The following ZNF354A variants were observed in gnomAD, a reference collection of about 807,000 sequenced individuals.
ZNF354A encodes the protein epididymis luminal protein 104.
Under a neutral mutation model 53.3 loss-of-function variants are expected in ZNF354A, and 25 were observed. The observed-to-expected ratio is 0.47, with a 90% CI of 0.34 to 0.66. ZNF354A has a LOEUF of 0.66. ZNF354A is among the 30% of genes least tolerant of loss of function. The probability of loss-of-function intolerance (pLI) is 0.01; values close to 1 mark genes in which losing one functional copy is unlikely to be tolerated. For synonymous variants in ZNF354A, 228 were observed against 249.0 expected (o/e 0.92, Z 0.79); for missense variants, 586 against 716.8 (o/e 0.82, Z 2.08).
At chr5:178,720,866 T>TC (rs1195005177) in intron 4 of ZNF354A, among the ~76,000 whole-genome samples, 1 of 78,616 alleles carries the variant, frequency 1.3e-5, no homozygotes, top group Non-Finnish European at 3.4e-5. Context: ...CTAGAATACC[T>TC]ACACTAATAA....
intron 4 of ZNF354A, among the ~76,000 whole-genome samples, chr5:178,717,958 G>A (rs1197949114): frequency 6.6e-6 from 1 of 152,172 alleles, no homozygotes; most frequent in Non-Finnish European, 1.5e-5. Flanking sequence ...GGAGTGCATG[G>A]AGGAAACAAT....
chr5:178,725,894 C>T (rs1765895775), intron 3 of ZNF354A, among the ~76,000 whole-genome samples: 1 of 152,124 alleles, frequency 6.6e-6, no homozygotes, highest in Admixed American at 6.6e-5. Flanking sequence ...TATTGCCAGG[C>T]TGGAGTGCAG....
intron 4 of ZNF354A, among the ~76,000 whole-genome samples, chr5:178,715,215 T>C (rs907368839): frequency 3.9e-5 from 6 of 152,256 alleles, no homozygotes; most frequent in Admixed American, 2.0e-4. Context: ...AAAGGGACCA[T>C]TTGTGTCTCA....
rs190258125 is a variant in ZNF354A at position 178,719,454 on chromosome 5, C to T, written c.257-5833G>A. Among the ~76,000 whole-genome samples the T allele has an allele frequency of 2.1e-3, 322 of 152,286 alleles. 7 individuals carry two copies. The highest frequency in any genetic ancestry group is 0.02 in the Admixed American group (309 of 15,308). On this transcript the variant is annotated intron_variant, in intron 4 of 4. Coordinates refer to ENST00000335815, the MANE Select transcript of ZNF354A (RefSeq NM_005649.3). ...CAGGTAGAAAAGGGGTGCAGCAGGA[C>T]GCTGCTGGAGTGTTTCGTAAGAATT...
chr5:178,716,618 G>C (rs1378344248), intron 4 of ZNF354A, among the ~76,000 whole-genome samples: 1 of 152,110 alleles, frequency 6.6e-6, no homozygotes, highest in East Asian at 1.9e-4. Context: ...GGGATGAAGG[G>C]ACAAATAACA....
intron 2 of ZNF354A, among the ~76,000 whole-genome samples, chr5:178,728,014 C>T (rs1404291486): frequency 6.6e-6 from 1 of 152,114 alleles, no homozygotes; most frequent in Non-Finnish European, 1.5e-5. Context: ...CCATGCCCGG[C>T]TAATTTTTGT....
chr5:178,720,734 C>A (rs923156320), intron 4 of ZNF354A, among the ~76,000 whole-genome samples: 1 of 152,202 alleles, frequency 6.6e-6, no homozygotes, highest in African/African-American at 2.4e-5. Context: ...CCTTTCATCT[C>A]GTCCACTAGG....
chr5:178,721,235 T>G (rs1055858197), intron 4 of ZNF354A, among the ~76,000 whole-genome samples: 1 of 152,210 alleles, frequency 6.6e-6, no homozygotes, highest in Non-Finnish European at 1.5e-5. Context: ...GGCGATGTTG[T>G]GCAGTCATCA....
chr5:178,711,780 T>C lies in ZNF354A; in HGVS notation c.*280A>G. 3.4e-6 allele frequency: 1 copy of C among 297,004 alleles called. No homozygotes were observed. Among genetic ancestry groups the C allele is most frequent in the East Asian group, 6.3e-5 (1 of 15,792 alleles). The allele number at this position is 297,004 out of a possible 1,614,324, so 18.4% of individuals were successfully genotyped here. The stretch of plus-strand genomic sequence containing the variant: ...TCACGTGACATCTAGCATATACGTC[T>C]GTAGGAAAAGGGAAAAAGCAAACCC... On this transcript the variant is annotated 3_prime_UTR_variant, in exon 5 of 5. Transcript: ENST00000335815.
chr5:178,729,719 G>C (rs1018983711), intron 1 of ZNF354A, among the ~76,000 whole-genome samples: 3 of 147,324 alleles, frequency 2.0e-5, no homozygotes, highest in South Asian at 2.2e-4. Flanking sequence ...GCTCATTTTT[G>C]TATTTTTAGT....
At chr5:178,722,653 T>C (rs1000383336) in intron 4 of ZNF354A, among the ~76,000 whole-genome samples, 1 of 152,178 alleles carries the variant, frequency 6.6e-6, no homozygotes, top group South Asian at 2.1e-4. Context: ...AAGTCACTCG[T>C]GCATTCATTA....
At position 178,726,990 on chromosome 5, in the gene ZNF354A, T is replaced by G; in HGVS notation, c.160+9A>C. On this transcript the variant is annotated intron_variant, in intron 3 of 4. Coordinates refer to ENST00000335815, the MANE Select transcript of ZNF354A (RefSeq NM_005649.3). ...TTGAATTCTGTTTCTAGAGGGAAAA[T>G]TTCCTTACCCAGTGAGACCAGGTTC... 1 of 1,596,784 alleles carries G rather than the reference T, an allele frequency of 6.3e-7. No individual in the cohort carries two copies. Among genetic ancestry groups the G allele is most frequent in the Non-Finnish European group, 8.5e-7 (1 of 1,172,586 alleles).
chr5:178,718,308 C>T (rs976025100), intron 4 of ZNF354A, among the ~76,000 whole-genome samples: 4 of 152,194 alleles, frequency 2.6e-5, no homozygotes, highest in African/African-American at 9.7e-5. Flanking sequence ...CCTCAGCTAC[C>T]TGTTAAACAA....
chr5:178,715,209 G>C (rs1016470931), intron 4 of ZNF354A, among the ~76,000 whole-genome samples: 3 of 152,146 alleles, frequency 2.0e-5, no homozygotes, highest in African/African-American at 7.2e-5. Context: ...CTGTTTAAAG[G>C]GACCATTTGT....
Position 178,713,137 on chromosome 5 carries a change from A to C in ZNF354A, c.741T>G (p.Cys247Trp), listed in dbSNP as rs1162997755. ...CTGAACTTTGGCTAAAGGCTTTTGA[A>C]CATTCTTTACACTTAAATAGTTTCT... ...SGEKLFKCKE[C>W]SKAFSQSSAL... The change falls in exon 5 of 5, where the codon TGT becomes TGG. Residue 247 changes from cysteine (C) to tryptophan (W), a missense_variant. Physicochemically the swap from Cys to Trp is radical, Grantham distance 215. Around this residue, in one of 2 missense-constraint regions of ZNF354A, gnomAD observed 573 missense variants for 680.1 expected, o/e 0.84. Coordinates refer to ENST00000335815, the MANE Select transcript of ZNF354A (RefSeq NM_005649.3). 6.2e-7 allele frequency: 1 copy of C among 1,614,026 alleles called. No homozygotes were observed. Among genetic ancestry groups the C allele is most frequent in the Non-Finnish European group, 8.5e-7 (1 of 1,180,036 alleles).
chr5:178,713,073 G>A lies in ZNF354A; in HGVS notation c.805C>T (p.Pro269Ser). 1 of 1,613,962 alleles carries A rather than the reference G, an allele frequency of 6.2e-7. No homozygotes were observed. Among genetic ancestry groups the A allele is most frequent in the Non-Finnish European group, 8.5e-7 (1 of 1,179,884 alleles). ...QHQITHTGEK[P>S]YICKECGKAF... ...TTCCCACATTCTTTACATATGTAGG[G>A]TTTCTCTCCAGTATGCGTTATTTGA... The change falls in exon 5 of 5, where the codon CCC becomes TCC. Residue 269 changes from proline (P) to serine (S), a missense_variant. Around this residue, in one of 2 missense-constraint regions of ZNF354A, gnomAD observed 573 missense variants for 680.1 expected, o/e 0.84. Coordinates refer to ENST00000335815, the MANE Select transcript of ZNF354A (RefSeq NM_005649.3).
rs116626427 is a variant in ZNF354A at position 178,722,093 on chromosome 5, C to T, written c.256+3283G>A. On this transcript the variant is annotated intron_variant, in intron 4 of 4. Transcript: ENST00000335815. Reference sequence around the variant, plus strand: ...GCCTCTCCTGATTTTCCTTACAGTACGCTTTTACCTGTCTTCCCTATGGGT... The same window carrying T: ...GCCTCTCCTGATTTTCCTTACAGTATGCTTTTACCTGTCTTCCCTATGGGT... Among the ~76,000 whole-genome samples the T allele has an allele frequency of 2.5e-3, 375 of 152,254 alleles. 4 individuals carry two copies. The highest frequency in any genetic ancestry group is 8.4e-3 in the African/African-American group (351 of 41,542).
At chr5:178,716,390 G>A (rs2113871143) in intron 4 of ZNF354A, among the ~76,000 whole-genome samples, 1 of 152,186 alleles carries the variant, frequency 6.6e-6, no homozygotes, top group East Asian at 1.9e-4. Flanking sequence ...TTCTTGCCAG[G>A]TATGCTGAAC....
At chr5:178,718,604 G>A (rs1174708003) in intron 4 of ZNF354A, among the ~76,000 whole-genome samples, 1 of 152,184 alleles carries the variant, frequency 6.6e-6, no homozygotes, top group Non-Finnish European at 1.5e-5. Context: ...TGAACCCAGA[G>A]CATTCCTTTT....
Sources: allele counts gnomAD v4.1 joint callset (sites outside exome capture counted in the v4.1 genomes callset), GRCh38; gene constraint gnomAD v4.1.1; regional missense constraint gnomAD v4.1.1; transcripts MANE v1.5; gene names NCBI Gene and HGNC (gene_info 2026-07-23, HGNC 2026-07-21).